GABRB3: variants seen among roughly 807,000 people sequenced by gnomAD.
GABRB3 encodes gamma-aminobutyric acid type A receptor subunit beta3, also known as gamma-aminobutyric acid receptor subunit beta-3.
A neutral mutation model predicts 52.1 loss-of-function variants in GABRB3; 14 were observed. The observed-to-expected ratio is 0.27, with a 90% CI of 0.18 to 0.42. The LOEUF is 0.42. Among genes scored for constraint, GABRB3 ranks in the 10% least tolerant of loss-of-function variants. The pLI, the probability that GABRB3 is intolerant of heterozygous loss-of-function variation, is 1.00. For synonymous variants in GABRB3, 260 were observed against 232.3 expected (o/e 1.12, Z -1.08); for missense variants, 307 against 609.1 (o/e 0.50, Z 5.22).
At position 26,680,427 on chromosome 15, in the gene GABRB3, T is replaced by C. The variant is rs8024161; in HGVS notation, c.241-58893A>G. Reference sequence around the variant, plus strand: ...GGAAGAACTGGCCTCCTAGTCCTACTTTGCTCACACCCTATATCCTACCCT... The same window carrying C: ...GGAAGAACTGGCCTCCTAGTCCTACCTTGCTCACACCCTATATCCTACCCT... On this transcript the variant is annotated intron_variant, in intron 3 of 8. Coordinates refer to ENST00000311550, the MANE Select transcript of GABRB3 (RefSeq NM_000814.6). Among the ~76,000 whole-genome samples the C allele has an allele frequency of 7.4e-3, 1,121 of 152,170 alleles. 17 individuals carry two copies. The highest frequency in any genetic ancestry group is 0.026 in the African/African-American group (1,093 of 41,538).
chr15:26,550,016 T>G (rs554542733), intron 8 of GABRB3: 4 of 152,214 alleles, frequency 2.6e-5, no homozygotes, highest in Non-Finnish European at 5.9e-5. Context: ...CCAGATTCTG[T>G]GAGTATGTAA....
intron 3 of GABRB3, among the ~76,000 whole-genome samples, chr15:26,752,615 A>C (rs1487253334): frequency 2.0e-5 from 3 of 152,132 alleles, no homozygotes; most frequent in South Asian, 2.1e-4. Flanking sequence ...ATGAATAAAA[A>C]CTGTACATAT....
At chr15:26,734,770 T>A (rs1040458721) in intron 3 of GABRB3, among the ~76,000 whole-genome samples, 13 of 151,900 alleles carry the variant, frequency 8.6e-5, no homozygotes, top group African/African-American at 3.1e-4. Context: ...AGACCCCATC[T>A]CTAAAAAATT....
intron 3 of GABRB3, among the ~76,000 whole-genome samples, chr15:26,645,409 G>A (rs949712786): frequency 1.3e-5 from 2 of 152,148 alleles, no homozygotes; most frequent in African/African-American, 2.4e-5. Flanking sequence ...ATAGCCTTTC[G>A]AGGTAGGAGT....
chr15:26,706,219 G>A (rs1311549218), intron 3 of GABRB3, among the ~76,000 whole-genome samples: 2 of 152,160 alleles, frequency 1.3e-5, no homozygotes, highest in African/African-American at 4.8e-5. Flanking sequence ...CGGGGTCCCA[G>A]CACAAAAATT....
At chr15:26,578,078 T>C (rs977757085) in intron 6 of GABRB3, among the ~76,000 whole-genome samples, 2 of 152,224 alleles carry the variant, frequency 1.3e-5, no homozygotes, top group Admixed American at 1.3e-4. Context: ...TGAACCACTG[T>C]GCCCAGCCTC....
chr15:26,623,684 G>A (rs907575127), intron 3 of GABRB3, among the ~76,000 whole-genome samples: 2 of 152,034 alleles, frequency 1.3e-5, no homozygotes, highest in Admixed American at 1.3e-4. Flanking sequence ...CCTATCACCC[G>A]CTTAAACTGC....
intron 4 of GABRB3, among the ~76,000 whole-genome samples, chr15:26,589,462 T>G (rs901671791): frequency 2.6e-5 from 4 of 152,162 alleles, no homozygotes; most frequent in African/African-American, 9.7e-5. Context: ...TATGAATAGT[T>G]TTGATTCACT....
chr15:26,602,264 A>C (rs552504615), intron 4 of GABRB3, among the ~76,000 whole-genome samples: 1 of 152,290 alleles, frequency 6.6e-6, no homozygotes, highest in East Asian at 1.9e-4. Flanking sequence ...GCATAAACAA[A>C]TATTATAAGA....
At chr15:26,639,902 T>G (rs1348391802) in intron 3 of GABRB3, among the ~76,000 whole-genome samples, 1 of 152,222 alleles carries the variant, frequency 6.6e-6, no homozygotes. Flanking sequence ...GATTTAGGTT[T>G]CACAAAGAGA....
At chr15:26,773,579 C>G, upstream of GABRB3, 1 of 1,371,014 alleles carries the variant, frequency 7.3e-7, no homozygotes, top group East Asian at 2.6e-5. Flanking sequence ...CGCGCCTCTG[C>G]CCGCCGGACT....
At chr15:26,732,491 G>A (rs1229216572) in intron 3 of GABRB3, among the ~76,000 whole-genome samples, 1 of 152,160 alleles carries the variant, frequency 6.6e-6, no homozygotes, top group Non-Finnish European at 1.5e-5. Context: ...ATTTTGGGAG[G>A]CAGAGATGGG....
intron 4 of GABRB3, chr15:26,615,998 T>A (rs1474420355): frequency 7.8e-7 from 1 of 1,288,974 alleles, no homozygotes; most frequent in Non-Finnish European, 1.0e-6. Context: ...CCTTCCACCA[T>A]GGGGAATTTA....
intron 4 of GABRB3, among the ~76,000 whole-genome samples, chr15:26,591,677 G>A (rs1413095275): frequency 1.3e-5 from 2 of 152,274 alleles, no homozygotes; most frequent in Non-Finnish European, 1.5e-5. Context: ...GAGGAAGAGA[G>A]AAAACAGCTT....
chr15:26,688,245 G>A (rs1888468746), intron 3 of GABRB3, among the ~76,000 whole-genome samples: 1 of 152,122 alleles, frequency 6.6e-6, no homozygotes, highest in African/African-American at 2.4e-5. Context: ...CACTAAACGG[G>A]AACATCAGCC....
intron 3 of GABRB3, among the ~76,000 whole-genome samples, chr15:26,714,628 C>G (rs758183472): frequency 1.3e-5 from 2 of 152,268 alleles, no homozygotes; most frequent in East Asian, 1.9e-4. Flanking sequence ...AGGAGGCAAA[C>G]AGATATGCAT....
intron 7 of GABRB3, among the ~76,000 whole-genome samples, chr15:26,565,506 C>T (rs1890133648): frequency 6.6e-6 from 1 of 152,134 alleles, no homozygotes; most frequent in African/African-American, 2.4e-5. Flanking sequence ...CCTCAGCAAC[C>T]CTAGCCAGCC....
chr15:26,770,789 C>T (rs1891123359), intron 3 of GABRB3, among the ~76,000 whole-genome samples: 2 of 152,232 alleles, frequency 1.3e-5, no homozygotes, highest in African/African-American at 4.8e-5. Context: ...GAGAAAATCA[C>T]AGATCACACA....
At chr15:26,724,024 A>G (rs1197900621) in intron 3 of GABRB3, among the ~76,000 whole-genome samples, 1 of 152,172 alleles carries the variant, frequency 6.6e-6, no homozygotes, top group Non-Finnish European at 1.5e-5. Context: ...GTTGTTTCCC[A>G]CATTTCATTG....
Sources: allele counts gnomAD v4.1 joint callset (sites outside exome capture counted in the v4.1 genomes callset), GRCh38; gene constraint gnomAD v4.1.1; transcripts MANE v1.5; gene names NCBI Gene and HGNC (gene_info 2026-07-23, HGNC 2026-07-21).